The following FGF12 variants were observed in gnomAD, a reference collection of about 807,000 sequenced individuals.
FGF12 encodes fibroblast growth factor 12B.
Under a neutral mutation model 23.6 loss-of-function variants are expected in FGF12, and 14 were observed. That is an observed-to-expected ratio of 0.59 (90% CI 0.39 to 0.93). FGF12 has a LOEUF of 0.93. Ranked by LOEUF, FGF12 falls within the 40% of genes least tolerant of loss-of-function variation. The pLI, the probability that FGF12 is intolerant of heterozygous loss-of-function variation, is 0.00. For synonymous variants in FGF12, 62 were observed against 77.3 expected (o/e 0.80, Z 1.04); for missense variants, 175 against 217.8 (o/e 0.80, Z 1.24).
intron 2 of FGF12, among the ~76,000 whole-genome samples, chr3:192,512,131 T>C (rs975132088): frequency 6.6e-6 from 1 of 152,184 alleles, no homozygotes; most frequent in African/African-American, 2.4e-5. Context: ...AAGAAGCAGC[T>C]GGCATAAAAC....
At chr3:192,531,449 T>C (rs1286995258) in intron 2 of FGF12, among the ~76,000 whole-genome samples, 1 of 152,170 alleles carries the variant, frequency 6.6e-6, no homozygotes, top group Non-Finnish European at 1.5e-5. Flanking sequence ...GAAAAGGAAA[T>C]GCTTAACATA....
intron 2 of FGF12, among the ~76,000 whole-genome samples, chr3:192,635,082 A>C (rs997009083): frequency 6.6e-6 from 1 of 152,154 alleles, no homozygotes; most frequent in Non-Finnish European, 1.5e-5. Flanking sequence ...CTGGTCTCGA[A>C]CTCCTGACCT....
Position 192,360,543 on chromosome 3 carries a change from A to G in FGF12, c.14-5T>C, listed in dbSNP as rs765009384. On this transcript the variant is annotated splice_polypyrimidine_tract_variant and splice_region_variant and intron_variant, in intron 2 of 5. Coordinates refer to ENST00000445105, the MANE Select transcript of FGF12 (RefSeq NM_004113.6). This position sits in a 1 kb window ranked among gnomAD's most constrained non-coding sequence, Gnocchi z 4.3. ...CAATCCCTTTGAGCTGGGGTTCTGC[A>G]AAACAAAATAATTATTCAAATTTTT... The G allele has an allele frequency of 5.6e-6, 9 of 1,600,968 alleles. No homozygotes were observed. The South Asian group carries it at 8.8e-5, about 16-fold the overall frequency.
At chr3:192,373,262 C>T (rs980725795) in intron 2 of FGF12, among the ~76,000 whole-genome samples, 11 of 151,788 alleles carry the variant, frequency 7.2e-5, no homozygotes, top group African/African-American at 2.7e-4. Flanking sequence ...TAGCATAGTG[C>T]CCATTAACAT....
chr3:192,333,946 A>G (rs1023469756), intron 4 of FGF12, among the ~76,000 whole-genome samples: 1 of 151,834 alleles, frequency 6.6e-6, no homozygotes, highest in Non-Finnish European at 1.5e-5. Context: ...TTTGGGGGGG[A>G]GTTCAATGAA....
intron 3 of FGF12, among the ~76,000 whole-genome samples, chr3:192,337,292 T>C (rs937262615): frequency 1.3e-5 from 2 of 152,012 alleles, no homozygotes; most frequent in African/African-American, 4.8e-5. Context: ...ACACAGAAAA[T>C]GGAACCTGAG....
At chr3:192,623,401 C>T (rs907352156) in intron 2 of FGF12, among the ~76,000 whole-genome samples, 1 of 145,774 alleles carries the variant, frequency 6.9e-6, no homozygotes, top group Non-Finnish European at 1.5e-5. Flanking sequence ...TATCTGAATG[C>T]CAGTGTAAAC....
At chr3:192,520,075 G>C (rs573375592) in intron 2 of FGF12, among the ~76,000 whole-genome samples, 2 of 152,146 alleles carry the variant, frequency 1.3e-5, no homozygotes, top group Non-Finnish European at 1.5e-5. Flanking sequence ...ACATCTGAGC[G>C]CTAAGTGTCC....
chr3:192,673,196 A>G (rs1577113280), intron 2 of FGF12: 1 of 150,840 alleles, frequency 6.6e-6, no homozygotes, highest in East Asian at 1.9e-4. Context: ...CTCCTCACTC[A>G]TTTACTCTTT....
At chr3:192,573,715 A>G (rs1712752413) in intron 2 of FGF12, among the ~76,000 whole-genome samples, 1 of 152,206 alleles carries the variant, frequency 6.6e-6, no homozygotes, top group Non-Finnish European at 1.5e-5. Context: ...TACCTATTTT[A>G]CGATACTTAT....
rs144091937 is a variant in FGF12, at chr3:192,569,261, G to A, written c.13+157920C>T. 1.1e-3 allele frequency among the ~76,000 whole-genome samples: 161 copies of A among 152,272 alleles called. 1 individual carries two copies. The highest frequency in any genetic ancestry group is 3.7e-3 in the African/African-American group (152 of 41,554). On this transcript the variant is annotated intron_variant, in intron 2 of 5. Transcript: ENST00000445105. ...TCAGTGTAGGTTAAGCTGTGCTGAG[G>A]TAACAAACAACCCTCAAATATCAGT...
rs191448726 is a variant in FGF12 at position 192,335,898 on chromosome 3, T to C, written c.125-434A>G. ...CTTTAAAACAGGCCAAAGCTTCTTG[T>C]TTTTAGTATTTTCCTTGTTGTTCCA... On this transcript the variant is annotated intron_variant, in intron 3 of 5. Transcript: ENST00000445105. Among the ~76,000 whole-genome samples, 40 of 152,300 alleles carry C rather than the reference T, an allele frequency of 2.6e-4. 1 individual carries two copies. Among genetic ancestry groups the C allele is most frequent in the Admixed American group, 1.3e-4 (2 of 15,280 alleles).
chr3:192,717,855 CCTTT>C (rs1393755044), intron 2 of FGF12, among the ~76,000 whole-genome samples: 1 of 152,056 alleles, frequency 6.6e-6, no homozygotes, highest in African/African-American at 2.4e-5. Context: ...TAGATATTTC[CCTTT>C]CTTTTATTCT....
chr3:192,683,494 T>C (rs1282199600), intron 2 of FGF12, among the ~76,000 whole-genome samples: 1 of 152,172 alleles, frequency 6.6e-6, no homozygotes, highest in Non-Finnish European at 1.5e-5. Context: ...ATCATGGTTA[T>C]GTTGGTGTGA....
chr3:192,295,567 T>A (rs1185700200), intron 4 of FGF12, among the ~76,000 whole-genome samples: 1 of 152,210 alleles, frequency 6.6e-6, no homozygotes, highest in East Asian at 1.9e-4. Flanking sequence ...CTCTCTTAAT[T>A]TTCTATCCAA....
chr3:192,267,887 C>T (rs574173250), intron 4 of FGF12, among the ~76,000 whole-genome samples: 24 of 152,230 alleles, frequency 1.6e-4, no homozygotes, highest in East Asian at 7.7e-4. Flanking sequence ...TTTCTAACAA[C>T]GCACCTTTAA....
rs981029926 is a variant in FGF12 at position 192,408,581 on chromosome 3, G to A, written c.14-48043C>T. 1.8e-6 allele frequency: 2 copies of A among 1,087,676 alleles called. No individual in the cohort carries two copies. The highest frequency in any genetic ancestry group is 1.7e-5 in the African/African-American group (1 of 60,396). The allele number at this position is 1,087,676 out of a possible 1,614,324, so 67.4% of individuals were successfully genotyped here. A position where few individuals can be genotyped will look rare whatever the true frequency, so the allele number is the denominator to read the frequency against. On this transcript the variant is annotated intron_variant, in intron 2 of 5. Transcript: ENST00000445105. The surrounding 1 kb of genome is among the most constrained non-coding windows in gnomAD (Gnocchi z 7.3). ...GGAGTTTAGTCACACTGCGTTCGGG[G>A]TACCAAGTGGAAGGGGAAGAACGAT...
chr3:192,566,756 G>C (rs548563744), intron 2 of FGF12, among the ~76,000 whole-genome samples: 4 of 152,134 alleles, frequency 2.6e-5, no homozygotes, highest in Non-Finnish European at 5.9e-5. Context: ...TGTATGACCA[G>C]TATTTTTCTA....
At chr3:192,228,242 TG>T (rs1451932891) in intron 4 of FGF12, among the ~76,000 whole-genome samples, 3 of 152,214 alleles carry the variant, frequency 2.0e-5, no homozygotes, top group African/African-American at 7.2e-5. Context: ...AACATTACAT[TG>T]TACTCCATAC....
Sources: allele counts gnomAD v4.1 joint callset (sites outside exome capture counted in the v4.1 genomes callset), GRCh38; gene constraint gnomAD v4.1.1; non-coding constraint Gnocchi (gnomAD v3.1); transcripts MANE v1.5; gene names NCBI Gene and HGNC (gene_info 2026-07-23, HGNC 2026-07-21).